ZDHHC14: variants seen among roughly 807,000 people sequenced by gnomAD.
The protein encoded by ZDHHC14 is palmitoyltransferase ZDHHC14.
In ZDHHC14, 16 loss-of-function variants were observed where a neutral mutation model predicts 47.7. The ratio of observed to expected loss-of-function variants is 0.34; its 90% CI spans 0.23 to 0.51. The LOEUF is 0.51. ZDHHC14 is among the 20% of genes least tolerant of loss of function. The pLI is 0.97. For synonymous variants in ZDHHC14, 293 were observed against 278.9 expected (o/e 1.05, Z -0.50); for missense variants, 515 against 662.5 (o/e 0.78, Z 2.44).
At chr6:157,631,121 ACT>A (rs759490782) in intron 4 of ZDHHC14, 20 of 152,238 alleles carry the variant, frequency 1.3e-4, no homozygotes, top group South Asian at 4.2e-4. Flanking sequence ...ATATGCTCAC[ACT>A]CTCGCACTCA....
intron 1 of ZDHHC14, among the ~76,000 whole-genome samples, chr6:157,422,615 ACT>A (rs1778134180): frequency 6.6e-6 from 1 of 151,872 alleles, no homozygotes; most frequent in Non-Finnish European, 1.5e-5. Flanking sequence ...TATGTGGCAG[ACT>A]CTACACTCTG....
chr6:157,528,498 G>A (rs1402900107), intron 1 of ZDHHC14, among the ~76,000 whole-genome samples: 6 of 151,960 alleles, frequency 3.9e-5, no homozygotes, highest in Non-Finnish European at 8.8e-5. Flanking sequence ...TTGGGAGGCT[G>A]AGGCGGGCAG....
At chr6:157,523,872 G>A (rs1781056620) in intron 1 of ZDHHC14, among the ~76,000 whole-genome samples, 1 of 152,206 alleles carries the variant, frequency 6.6e-6, no homozygotes, top group South Asian at 2.1e-4. Context: ...CAGTACTCTG[G>A]CCTGGGTGAC....
chr6:157,462,803 G>T (rs990422042), intron 1 of ZDHHC14, among the ~76,000 whole-genome samples: 4 of 152,252 alleles, frequency 2.6e-5, no homozygotes, highest in African/African-American at 9.6e-5. Flanking sequence ...CCTGGCGGGG[G>T]CCTCTTCCTG....
intron 1 of ZDHHC14, among the ~76,000 whole-genome samples, chr6:157,474,768 A>C (rs1327345933): frequency 6.6e-6 from 1 of 152,108 alleles, no homozygotes; most frequent in African/African-American, 2.4e-5. Flanking sequence ...CTTAGTATTG[A>C]ATTGTTTGAG....
At chr6:157,609,993 T>C (rs547664430) in intron 3 of ZDHHC14, among the ~76,000 whole-genome samples, 1 of 152,356 alleles carries the variant, frequency 6.6e-6, no homozygotes, top group African/African-American at 2.4e-5. Context: ...CCTCTGACTT[T>C]GTGGGGTGAA....
intron 1 of ZDHHC14, among the ~76,000 whole-genome samples, chr6:157,473,411 T>TA (rs1282580262): frequency 6.6e-6 from 1 of 152,246 alleles, no homozygotes; most frequent in Non-Finnish European, 1.5e-5. Context: ...GATTATGCAG[T>TA]ATTTGTCTTT....
At chr6:157,560,377 C>A (rs1782659046) in intron 2 of ZDHHC14, among the ~76,000 whole-genome samples, 1 of 152,216 alleles carries the variant, frequency 6.6e-6, no homozygotes, top group African/African-American at 2.4e-5. Flanking sequence ...CGTGAATCAC[C>A]TTTGCAATCT....
At chr6:157,443,591 T>C (rs1184608382) in intron 1 of ZDHHC14, among the ~76,000 whole-genome samples, 1 of 152,248 alleles carries the variant, frequency 6.6e-6, no homozygotes, top group African/African-American at 2.4e-5. Context: ...TGACTCACAG[T>C]GGCTGCCATC....
At chr6:157,593,239 G>A (rs1783988253) in intron 3 of ZDHHC14, 93 bp downstream of exon 3, 7 of 1,436,974 alleles carry the variant, frequency 4.9e-6, no homozygotes, top group South Asian at 1.4e-5. Flanking sequence ...ACTCAGTAAT[G>A]GTTAATATTT....
At chr6:157,426,376 A>C (rs1355251930) in intron 1 of ZDHHC14, among the ~76,000 whole-genome samples, 2 of 152,082 alleles carry the variant, frequency 1.3e-5, no homozygotes, top group East Asian at 3.9e-4. Context: ...AAAATCAATG[A>C]ATTTGGTTTG....
intron 2 of ZDHHC14, among the ~76,000 whole-genome samples, chr6:157,554,356 G>A (rs1002053382): frequency 6.6e-6 from 1 of 152,246 alleles, no homozygotes; most frequent in Non-Finnish European, 1.5e-5. Context: ...GCAGGCCGTA[G>A]GCGAGACGGC....
At chr6:157,598,106 A>G (rs946543434) in intron 3 of ZDHHC14, among the ~76,000 whole-genome samples, 1 of 152,132 alleles carries the variant, frequency 6.6e-6, no homozygotes, top group South Asian at 2.1e-4. Context: ...CTGAACTCAG[A>G]CTGCAGATAC....
At chr6:157,565,804 CAAA>C (rs758559905) in intron 2 of ZDHHC14, among the ~76,000 whole-genome samples, 3 of 99,446 alleles carry the variant, frequency 3.0e-5, no homozygotes, top group Non-Finnish European at 4.3e-5. Context: ...ACTCCGTCTC[CAAA>C]AAAAAAAAAA....
At chr6:157,583,247 C>A (rs1396770263) in intron 2 of ZDHHC14, among the ~76,000 whole-genome samples, 1 of 152,080 alleles carries the variant, frequency 6.6e-6, no homozygotes, top group Admixed American at 6.5e-5. Flanking sequence ...TGGTTAAGAA[C>A]CCTTGCTGGG....
At chr6:157,459,373 A>G (rs949814016) in intron 1 of ZDHHC14, among the ~76,000 whole-genome samples, 1 of 152,182 alleles carries the variant, frequency 6.6e-6, no homozygotes, top group Non-Finnish European at 1.5e-5. Context: ...AATGTTTTCC[A>G]TAGGGTGAGG....
intron 1 of ZDHHC14, among the ~76,000 whole-genome samples, chr6:157,387,344 G>A (rs187680340): frequency 1.1e-4 from 17 of 152,262 alleles, no homozygotes; most frequent in Admixed American, 5.9e-4. Flanking sequence ...CAAGAACGAC[G>A]TCTCTGTTAT....
chr6:157,420,775 G>A (rs551075645), intron 1 of ZDHHC14, among the ~76,000 whole-genome samples: 2 of 152,206 alleles, frequency 1.3e-5, no homozygotes, highest in African/African-American at 4.8e-5. Context: ...CATCAAGGAC[G>A]GATGGGAGCC....
At chr6:157,652,357 G>A (rs1349160706) in intron 7 of ZDHHC14, among the ~76,000 whole-genome samples, 1 of 152,134 alleles carries the variant, frequency 6.6e-6, no homozygotes, top group Non-Finnish European at 1.5e-5. Context: ...GGCGGGGATG[G>A]GCATGGCCTC....
Sources: allele counts gnomAD v4.1 joint callset (sites outside exome capture counted in the v4.1 genomes callset), GRCh38; gene constraint gnomAD v4.1.1; transcripts MANE v1.5; gene names NCBI Gene and HGNC (gene_info 2026-07-23, HGNC 2026-07-21).